Variants in CMC1 observed in about 807,000 individuals in gnomAD.
CMC1 encodes the protein C-X9-C motif containing 1, also known as COX assembly mitochondrial protein homolog.
A neutral mutation model predicts 14.1 loss-of-function variants in CMC1; 14 were observed. That is an observed-to-expected ratio of 0.99 (90% CI 0.66 to 1.55). The LOEUF is 1.55. Ranked by LOEUF, CMC1 falls within the 40% of genes most tolerant of loss-of-function variation. CMC1 has a pLI of 0.00. For synonymous variants in CMC1, 50 were observed against 38.4 expected (o/e 1.30, Z -1.12); for missense variants, 127 against 123.8 (o/e 1.03, Z -0.12).
rs367925539 is a variant in CMC1 at position 28,324,248 on chromosome 3, A to G, written c.*4619A>G. The stretch of plus-strand genomic sequence containing the variant: ...AAGCATGTACCATCATTAGGAATGG[A>G]TCTCTCATTGTCTGTCCATGATTGG... On this transcript the variant is annotated 3_prime_UTR_variant, in exon 4 of 4. Transcript: ENST00000466830. 5.0e-6 allele frequency: 8 copies of G among 1,610,262 alleles called. No homozygotes were observed. In the Admixed American group the frequency reaches 1.2e-4, roughly 24 times the overall value.
At chr3:28,281,619 T>A (rs928566655) in intron 2 of CMC1, among the ~76,000 whole-genome samples, 2 of 152,196 alleles carry the variant, frequency 1.3e-5, no homozygotes, top group Non-Finnish European at 2.9e-5. Flanking sequence ...TGCTTTTGAG[T>A]ACCTTATTGT....
intron 2 of CMC1, among the ~76,000 whole-genome samples, chr3:28,311,057 G>A (rs559745117): frequency 1.3e-5 from 2 of 152,290 alleles, no homozygotes; most frequent in African/African-American, 2.4e-5. Flanking sequence ...TCTGCAGTCC[G>A]GGATTTGGGG....
At chr3:28,287,083 C>T (rs956919302) in intron 2 of CMC1, among the ~76,000 whole-genome samples, 3 of 152,068 alleles carry the variant, frequency 2.0e-5, no homozygotes, top group South Asian at 2.1e-4. Context: ...GACCAATTCT[C>T]GGATTCTTCC....
At position 28,287,467 on chromosome 3, in the gene CMC1, A is replaced by G. The variant is rs1363552737; in HGVS notation, c.109+24087A>G. On this transcript the variant is annotated intron_variant, in intron 2 of 3. Coordinates refer to ENST00000466830, the MANE Select transcript of CMC1 (RefSeq NM_182523.2). Reference sequence around the variant, plus strand: ...CCTACTGTTTTGGTAAGAGGGAGCAAATTTTTTTTTCCTATTATTGAAAAT... The same window carrying G: ...CCTACTGTTTTGGTAAGAGGGAGCAGATTTTTTTTTCCTATTATTGAAAAT... Among the ~76,000 whole-genome samples, 6 of 152,216 alleles carry G rather than the reference A, an allele frequency of 3.9e-5. No individual in the cohort carries two copies. The South Asian group carries it at 1.0e-3, about 26-fold the overall frequency.
intron 2 of CMC1, among the ~76,000 whole-genome samples, chr3:28,275,321 GTTGT>G (rs202046416): frequency 4.0e-5 from 5 of 126,170 alleles, no homozygotes; most frequent in Non-Finnish European, 7.0e-5. Context: ...GTTACTGTTA[GTTGT>G]TTGTTTTTTT....
intron 2 of CMC1, among the ~76,000 whole-genome samples, chr3:28,287,713 T>C (rs1054428940): frequency 1.1e-4 from 16 of 152,020 alleles, no homozygotes; most frequent in African/African-American, 3.6e-4. Context: ...TTTACCGTTA[T>C]ATTGAGCTTT....
intron 2 of CMC1, among the ~76,000 whole-genome samples, chr3:28,283,868 TG>T: frequency 6.6e-6 from 1 of 152,210 alleles, no homozygotes; most frequent in East Asian, 1.9e-4. Context: ...AAGCTATATT[TG>T]GAAATTTGAA....
chr3:28,277,578 G>A (rs1700645966), intron 2 of CMC1, among the ~76,000 whole-genome samples: 1 of 152,120 alleles, frequency 6.6e-6, no homozygotes, highest in Admixed American at 6.5e-5. Context: ...TAAGGTCAGT[G>A]GGGAGTGCTG....
intron 3 of CMC1, chr3:28,317,952 G>C (rs553214731): frequency 6.6e-6 from 1 of 152,012 alleles, no homozygotes; most frequent in Admixed American, 6.6e-5. Context: ...CTGAGGGGAG[G>C]AGAGGGGCTA....
intron 2 of CMC1, among the ~76,000 whole-genome samples, chr3:28,275,820 G>A (rs557316182): frequency 6.6e-6 from 1 of 152,294 alleles, no homozygotes; most frequent in South Asian, 2.1e-4. Context: ...TGGAACTGCT[G>A]AAATTCCCAC....
intron 2 of CMC1, among the ~76,000 whole-genome samples, chr3:28,277,194 A>G (rs1700627747): frequency 6.6e-6 from 1 of 152,202 alleles, no homozygotes; most frequent in African/African-American, 2.4e-5. Context: ...TAAAGGTGAT[A>G]GAGATTTTAT....
At chr3:28,245,622 G>A (rs547337752) in intron 1 of CMC1, among the ~76,000 whole-genome samples, 2 of 152,290 alleles carry the variant, frequency 1.3e-5, no homozygotes, top group East Asian at 3.9e-4. Flanking sequence ...ATAAAAGGAG[G>A]AAGATGGGAC....
rs895870422 is a variant in CMC1, at chr3:28,263,350, G to A, written c.79G>A (p.Ala27Thr). The A allele has an allele frequency of 6.2e-7, 1 of 1,608,196 alleles. No homozygotes were observed. The highest frequency in any genetic ancestry group is 8.5e-7 in the Non-Finnish European group (1 of 1,177,026). Residue 27 changes from alanine to threonine, a missense_variant, in exon 2 of 4, where the codon GCC becomes ACC. By Grantham distance (58) the Ala-to-Thr change is moderately conservative (BLOSUM62 0). Coordinates refer to ENST00000466830, the MANE Select transcript of CMC1 (RefSeq NM_182523.2). ...VLIPKIMREK[A>T]KERCSEQVQD... is the part of the protein sequence containing the mutation. Reference sequence around the variant, plus strand: ...GATCCCTAAAATAATGAGAGAAAAGGCCAAAGAGAGGTGTTCTGAACAAGT... The same window carrying A: ...GATCCCTAAAATAATGAGAGAAAAGACCAAAGAGAGGTGTTCTGAACAAGT...
At chr3:28,307,166 T>C (rs2125590349) in intron 2 of CMC1, among the ~76,000 whole-genome samples, 1 of 152,326 alleles carries the variant, frequency 6.6e-6, no homozygotes, top group African/African-American at 2.4e-5. Flanking sequence ...TTGCCCTGTT[T>C]TTAGCACAAT....
chr3:28,288,741 A>T (rs1018442378), intron 2 of CMC1, among the ~76,000 whole-genome samples: 3 of 151,984 alleles, frequency 2.0e-5, no homozygotes, highest in South Asian at 2.1e-4. Context: ...TGATGAATAC[A>T]TTTGTGTGAT....
rs1703139458 is a variant in CMC1, at chr3:28,320,125, T to A, written c.*496T>A. On this transcript the variant is annotated 3_prime_UTR_variant, in exon 4 of 4. Coordinates refer to ENST00000466830, the MANE Select transcript of CMC1 (RefSeq NM_182523.2). ...CAGTTTGTGAGGATGTACTGAGTATTGCATATAGCAGGTACACGTACAGTG... is the reference window on the plus strand; with the variant it reads ...CAGTTTGTGAGGATGTACTGAGTATAGCATATAGCAGGTACACGTACAGTG... 6.5e-6 allele frequency: 1 copy of A among 153,462 alleles called. No individual in the cohort carries two copies. 9.5% of individuals were successfully genotyped at this position (153,462 alleles called of 1,614,324 possible). A position where few individuals can be genotyped will look rare whatever the true frequency, so the allele number is the denominator to read the frequency against.
chr3:28,282,190 T>C (rs1047945711), intron 2 of CMC1, among the ~76,000 whole-genome samples: 2 of 152,204 alleles, frequency 1.3e-5, no homozygotes, highest in African/African-American at 4.8e-5. Context: ...AATTACAAGT[T>C]TACTTTTTAA....
intron 2 of CMC1, among the ~76,000 whole-genome samples, chr3:28,300,446 T>C (rs1457674367): frequency 1.3e-5 from 2 of 152,106 alleles, no homozygotes; most frequent in African/African-American, 4.8e-5. Context: ...ACCTAGTTGT[T>C]ACTAAACAGC....
chr3:28,316,361 A>C lies in CMC1; in HGVS notation c.138A>C (p.Gly46=). 6.3e-7 allele frequency: 1 copy of C among 1,585,272 alleles called. No individual in the cohort carries two copies. Among genetic ancestry groups the C allele is most frequent in the East Asian group, 2.3e-5 (1 of 44,056 alleles). ...QDFTKCCKNS[G]VLMVVKCRKE... is the part of the protein sequence containing the mutation. ...TTACCAAATGTTGCAAGAACTCTGG[A>C]GTTCTTATGGTAGTAAAATGCCGGA... Residue 46 remains glycine (G), a synonymous_variant, in exon 3 of 4, where the codon GGA becomes GGC. Coordinates refer to ENST00000466830, the MANE Select transcript of CMC1 (RefSeq NM_182523.2).
Sources: allele counts gnomAD v4.1 joint callset (sites outside exome capture counted in the v4.1 genomes callset), GRCh38; gene constraint gnomAD v4.1.1; transcripts MANE v1.5; gene names NCBI Gene and HGNC (gene_info 2026-07-23, HGNC 2026-07-21).